The following ZFHX3 variants were observed in gnomAD, a reference collection of about 807,000 sequenced individuals.
ZFHX3 encodes zinc finger homeobox protein 3.
ZFHX3 carries 42 observed loss-of-function variants against 279.1 expected under a neutral mutation model. The ratio of observed to expected loss-of-function variants is 0.15; its 90% confidence interval spans 0.12 to 0.19. The LOEUF (loss-of-function observed/expected upper bound fraction) is 0.19. Ranked by LOEUF, ZFHX3 falls within the 10% of genes least tolerant of loss-of-function variation. The pLI, the probability that ZFHX3 is intolerant of heterozygous loss-of-function variation, is 1.00. For synonymous variants in ZFHX3, 2,293 were observed against 1,957.8 expected (o/e 1.17, Z -4.52); for missense variants, 4,981 against 4,754.0 (o/e 1.05, Z -1.40).
At chr16:72,876,182 A>G (rs911555231) in intron 4 of ZFHX3, among the ~76,000 whole-genome samples, 6 of 152,186 alleles carry the variant, frequency 3.9e-5, no homozygotes, top group African/African-American at 7.2e-5. Flanking sequence ...TTTTCAAAAT[A>G]ACCGGGTTCA....
At chr16:72,871,318 G>A (rs1485527172) in intron 4 of ZFHX3, among the ~76,000 whole-genome samples, 53 of 151,518 alleles carry the variant, frequency 3.5e-4, no homozygotes, top group Non-Finnish European at 2.9e-5. Flanking sequence ...TAGGATCACA[G>A]GTGCCTGCCA....
In ZFHX3 at chr16:72,957,780, G is replaced by A. The variant is rs867168176; in HGVS notation, c.2366C>T (p.Ser789Phe). 1 of 1,614,006 alleles carries A rather than the reference G, an allele frequency of 6.2e-7. No homozygotes were observed. The highest frequency in any genetic ancestry group is 1.7e-5 in the Admixed American group (1 of 60,034). Reference protein sequence around the residue: ...AAAAAANISSSCGAPSPTKPK... With the variant: ...AAAAAANISSFCGAPSPTKPK... ...TTTGGTCGGCGAGGGGGCCCCGCAG[G>A]AGCTACTGATATTGGCTGCCGCCGC... Residue 789 changes from serine (S) to phenylalanine (F), a missense_variant, in exon 2 of 10, where the codon TCC becomes TTC. Transcript: ENST00000268489.
intron 3 of ZFHX3, chr16:73,401,371 A>AAAACAAAACACACACACAC (rs2017249632): frequency 8.3e-6 from 1 of 120,848 alleles, no homozygotes; most frequent in South Asian, 2.8e-4. Flanking sequence ...CAAAAAACAA[A>AAAACAAAACACACACACAC]ACACACACAC....
At chr16:73,406,190 G>A (rs1312542543) in intron 3 of ZFHX3, among the ~76,000 whole-genome samples, 1 of 152,358 alleles carries the variant, frequency 6.6e-6, no homozygotes, top group East Asian at 1.9e-4. Flanking sequence ...TCACCCCCAT[G>A]TTGGCACCAG....
At chr16:73,781,633 T>C (rs1295380315) in intron 1 of ZFHX3, among the ~76,000 whole-genome samples, 1 of 152,162 alleles carries the variant, frequency 6.6e-6, no homozygotes, top group Admixed American at 6.5e-5. Flanking sequence ...TCAGTATAGA[T>C]TATAGCCAGA....
At chr16:73,088,945 G>C (rs1159594909) in intron 8 of ZFHX3, among the ~76,000 whole-genome samples, 3 of 152,144 alleles carry the variant, frequency 2.0e-5, no homozygotes, top group Non-Finnish European at 4.4e-5. Flanking sequence ...GAGAAAGCAC[G>C]AGGCAGAAAG....
At chr16:73,050,148 A>T (rs1965423511), upstream of ZFHX3, among the ~76,000 whole-genome samples, 1 of 152,246 alleles carries the variant, frequency 6.6e-6, no homozygotes. Context: ...TAATCTGGTG[A>T]CATCATGATC....
At chr16:73,030,673 C>A (rs1269643026) in intron 1 of ZFHX3, among the ~76,000 whole-genome samples, 1 of 152,036 alleles carries the variant, frequency 6.6e-6, no homozygotes, top group Non-Finnish European at 1.5e-5. Flanking sequence ...AAGCATGAGT[C>A]CAGAGCTAGA....
intron 4 of ZFHX3, among the ~76,000 whole-genome samples, chr16:72,842,202 G>GT (rs1212708805): frequency 2.0e-5 from 3 of 151,078 alleles, no homozygotes; most frequent in Non-Finnish European, 2.9e-5. Flanking sequence ...TGAGCAACTT[G>GT]TTTTTTTGTT....
chr16:73,850,245 G>A (rs1961560812), intron 1 of ZFHX3, among the ~76,000 whole-genome samples: 3 of 152,348 alleles, frequency 2.0e-5, no homozygotes, highest in South Asian at 4.1e-4. Flanking sequence ...CCCACATGCT[G>A]TTGGGCAGGT....
chr16:73,531,403 G>C (rs1567511155), intron 2 of ZFHX3, among the ~76,000 whole-genome samples: 1 of 152,016 alleles, frequency 6.6e-6, no homozygotes. Context: ...TGCAGGAATT[G>C]TCTTGTTTTT....
chr16:72,899,421 T>G (rs775778462), intron 3 of ZFHX3, among the ~76,000 whole-genome samples: 1 of 152,202 alleles, frequency 6.6e-6, no homozygotes, highest in African/African-American at 2.4e-5. Context: ...CCCCTTTCCA[T>G]CATGATTGTA....
intron 3 of ZFHX3, among the ~76,000 whole-genome samples, chr16:73,442,682 C>G (rs546202002): frequency 6.6e-6 from 1 of 152,286 alleles, no homozygotes; most frequent in African/African-American, 2.4e-5. Flanking sequence ...TGACCCACCT[C>G]AGGGCCATGC....
chr16:73,853,177 A>G (rs1480280506), intron 1 of ZFHX3, among the ~76,000 whole-genome samples: 1 of 152,248 alleles, frequency 6.6e-6, no homozygotes, highest in Non-Finnish European at 1.5e-5. Flanking sequence ...TAAAAACAAT[A>G]GATGTTGGCA....
At chr16:73,630,174 A>C (rs2052454871) in intron 2 of ZFHX3, among the ~76,000 whole-genome samples, 1 of 152,230 alleles carries the variant, frequency 6.6e-6, no homozygotes, top group African/African-American at 2.4e-5. Flanking sequence ...ACGTTAGTCT[A>C]ATTTCAACCT....
chr16:73,268,322 C>T (rs1481689124), intron 4 of ZFHX3, among the ~76,000 whole-genome samples: 1 of 152,150 alleles, frequency 6.6e-6, no homozygotes, highest in Non-Finnish European at 1.5e-5. Flanking sequence ...GCACTATTCC[C>T]CTCAAACTCT....
chr16:73,666,191 T>C (rs947781721), intron 2 of ZFHX3, among the ~76,000 whole-genome samples: 10 of 151,780 alleles, frequency 6.6e-5, no homozygotes, highest in Admixed American at 1.3e-4. Context: ...TATGGAAAAA[T>C]GGACATACAG....
chr16:73,870,740 G>A (rs1221357634), intron 1 of ZFHX3, among the ~76,000 whole-genome samples: 2 of 152,096 alleles, frequency 1.3e-5, no homozygotes, highest in East Asian at 1.9e-4. Context: ...GTTTGTTGTG[G>A]GGCCCGGCGG....
At chr16:72,925,099 T>A (rs1023457762) in intron 3 of ZFHX3, among the ~76,000 whole-genome samples, 1 of 152,228 alleles carries the variant, frequency 6.6e-6, no homozygotes, top group Non-Finnish European at 1.5e-5. Flanking sequence ...GATACCTGGA[T>A]ACATTGTACA....
Sources: gnomAD v4.1 joint callset for allele counts (sites outside exome capture counted in the v4.1 genomes callset) on GRCh38, gnomAD v4.1.1 for gene constraint, MANE v1.5 for transcripts, NCBI Gene and HGNC (gene_info 2026-07-23, HGNC 2026-07-21) for gene names.